Variants in CBLN1 observed in about 807,000 individuals in gnomAD.
CBLN1 encodes the protein cerebellin-1.
A neutral mutation model predicts 15.9 loss-of-function variants in CBLN1; 5 were observed. The ratio of observed to expected loss-of-function variants is 0.31; its 90% CI spans 0.16 to 0.66. The LOEUF is 0.66. Among genes scored for constraint, CBLN1 ranks in the 30% least tolerant of loss-of-function variants. The pLI is 0.75. For missense variants in CBLN1, 164 were observed against 253.7 expected (o/e 0.65, Z 2.40); for synonymous variants, 90 against 107.6 (o/e 0.84, Z 1.01).
Position 49,280,980 on chromosome 16 carries a change from T to G in CBLN1, c.327A>C (p.Lys109Asn). 1.2e-6 allele frequency: 2 copies of G among 1,614,192 alleles called. No individual in the cohort carries two copies. Among genetic ancestry groups the G allele is most frequent in the Non-Finnish European group, 1.7e-6 (2 of 1,180,024 alleles). Residue 109 changes from lysine (K) to asparagine (N), a missense_variant, in exon 2 of 3, where the codon AAA becomes AAC. By Grantham distance (94) the Lys-to-Asn change is moderately conservative (BLOSUM62 0). This residue lies in a region of CBLN1 where 127 missense variants were observed against 179.7 expected (regional missense o/e 0.71). Coordinates refer to ENST00000219197, the MANE Select transcript of CBLN1 (RefSeq NM_004352.4). The part of the protein sequence containing the change: ...SERSTFIAPR[K>N]GIYSFNFHVV... ...CGTGGAAGTTAAAACTGTAGATCCC[T>G]TTGCGCGGGGCGATGAAAGTGCTGC...
rs907593523 is a variant in CBLN1 at position 49,281,152 on chromosome 16, C to T, written c.264+50G>A. The T allele has an allele frequency of 8.1e-6, 13 of 1,613,982 alleles. No homozygotes were observed. The African/African-American group carries it at 1.6e-4, about 20-fold the overall frequency. On this transcript the variant is annotated intron_variant, in intron 1 of 2. Transcript: ENST00000219197. Reference sequence around the variant, plus strand: ...GACCGGGCATCGGTCTTCCATCCATCCCTCCTTCACCAGCCCAATCTGCAC... The same window carrying T: ...GACCGGGCATCGGTCTTCCATCCATTCCTCCTTCACCAGCCCAATCTGCAC...
In CBLN1 at chr16:49,281,535, T is replaced by G; in HGVS notation, c.-70A>C. ...GCGCCAGCCGCCCCCCCCGTCCCAG[T>G]CCCGCTCCGAAGCCCCCTCCTCAGC... On this transcript the variant is annotated 5_prime_UTR_variant, in exon 1 of 3. Coordinates refer to ENST00000219197, the MANE Select transcript of CBLN1 (RefSeq NM_004352.4). The G allele has an allele frequency of 3.0e-6, 3 of 1,009,898 alleles. No individual in the cohort carries two copies. The highest frequency in any genetic ancestry group is 3.7e-6 in the Non-Finnish European group (3 of 806,756). The allele number at this position is 1,009,898 out of a possible 1,614,324, so 62.6% of individuals were successfully genotyped here. A position where few individuals can be genotyped will look rare whatever the true frequency, so the allele number is the denominator to read the frequency against.
rs755075309 is a variant in CBLN1, at chr16:49,279,488, T to G, written c.498A>C (p.Arg166=). The G allele has an allele frequency of 6.2e-7, 1 of 1,614,186 alleles. No individual in the cohort carries two copies. Among genetic ancestry groups the G allele is most frequent in the South Asian group, 1.1e-5 (1 of 91,078 alleles). ...GVLIQMEKGD[R]AYLKLERGNL... is the part of the protein sequence containing the mutation. ...TTCCCCGCTCCAGCTTGAGGTATGC[T>G]CGGTCGCCTTTCTCCATTTGGATTA... is the stretch of plus-strand genomic sequence containing the variant. Residue 166 remains arginine, a synonymous_variant, in exon 3 of 3, where the codon CGA becomes CGC. Transcript: ENST00000219197.
chr16:49,279,930 C>T (rs983539413), intron 2 of CBLN1, among the ~76,000 whole-genome samples: 2 of 152,132 alleles, frequency 1.3e-5, no homozygotes, highest in Non-Finnish European at 1.5e-5. Context: ...GGCTCTAGCG[C>T]CCTGAGACCT....
At chr16:49,280,885 C>G (rs371075663) in intron 2 of CBLN1, 38 bp downstream of exon 2, 12 of 1,613,840 alleles carry the variant, frequency 7.4e-6, no homozygotes, top group Middle Eastern at 1.7e-4. Flanking sequence ...CAGTAACCCC[C>G]CTACGGGGCC....
At chr16:49,279,638 T>C (rs1963236189) in intron 2 of CBLN1, 37 bp from the exon 3 acceptor site, 1 of 1,601,638 alleles carries the variant, frequency 6.2e-7, no homozygotes, top group Non-Finnish European at 8.5e-7. Flanking sequence ...AGGCGCAACC[T>C]AGGCAGGCAC....
chr16:49,280,298 C>G (rs1383983294), intron 2 of CBLN1, among the ~76,000 whole-genome samples: 1 of 152,234 alleles, frequency 6.6e-6, no homozygotes, highest in Non-Finnish European at 1.5e-5. Flanking sequence ...CAAGGGAAAC[C>G]TGGACATCTT....
chr16:49,280,986 C>T lies in CBLN1; in HGVS notation c.321G>A (p.Pro107=). 6.2e-7 allele frequency: 1 copy of T among 1,614,180 alleles called. No individual in the cohort carries two copies. Residue 107 remains proline (P), a synonymous_variant, in exon 2 of 3, where the codon CCG becomes CCA. Transcript: ENST00000219197. Reference sequence around the variant, plus strand: ...AGTTAAAACTGTAGATCCCTTTGCGCGGGGCGATGAAAGTGCTGCGTTCTG... The same window carrying T: ...AGTTAAAACTGTAGATCCCTTTGCGTGGGGCGATGAAAGTGCTGCGTTCTG... The part of the protein sequence containing the change: ...FDSERSTFIA[P]RKGIYSFNFH...
rs1423387186 is a variant in CBLN1, at chr16:49,278,715, T to TA, written c.*688dup. 1 of 152,146 alleles carries TA rather than the reference T, an allele frequency of 6.6e-6. No homozygotes were observed. The highest frequency in any genetic ancestry group is 1.5e-5 in the Non-Finnish European group (1 of 68,052). The allele number at this position is 152,146 out of a possible 1,614,324, so 9.4% of individuals were successfully genotyped here. A position where few individuals can be genotyped will look rare whatever the true frequency, so the allele number is the denominator to read the frequency against. On this transcript the variant is annotated 3_prime_UTR_variant, in exon 3 of 3. Transcript: ENST00000219197. ...TTTCACGATCACTCCGAATAGAACA[T>TA]AGAAATACGGAAACACAGCCAGTTT...
chr16:49,279,725 GT>G, intron 2 of CBLN1, 124 bp from the exon 3 acceptor site: 1 of 698,384 alleles, frequency 1.4e-6, no homozygotes, highest in South Asian at 1.8e-5. Context: ...GAGGTGGGGG[GT>G]GGGGGGGGCG....
rs748395079 is a variant in CBLN1 at position 49,279,198 on chromosome 16, C to T, written c.*206G>A. 15 of 588,568 alleles carry T rather than the reference C, an allele frequency of 2.5e-5. No individual in the cohort carries two copies. The highest frequency in any genetic ancestry group is 4.5e-5 in the Non-Finnish European group (15 of 332,482). The allele number at this position is 588,568 out of a possible 1,614,324, so 36.5% of individuals were successfully genotyped here. On this transcript the variant is annotated 3_prime_UTR_variant, in exon 3 of 3. Transcript: ENST00000219197. ...GTTTATTTTTGGAAATGGGAGTGCG[C>T]AGAGCTAAGCGAAATTTATTTCTCC...
In CBLN1 at chr16:49,279,642, C is replaced by A. The variant is rs1444978955; in HGVS notation, c.385-41G>T. On this transcript the variant is annotated intron_variant, in intron 2 of 2. Transcript: ENST00000219197. ...GCCCGCTTCAGAGGCGCAACCTAGG[C>A]AGGCACCGAAGCCGCGGTGGAGCGA... is the stretch of plus-strand genomic sequence containing the variant. 7 of 1,599,646 alleles carry A rather than the reference C, an allele frequency of 4.4e-6. No individual in the cohort carries two copies. In the Admixed American group the frequency reaches 1.2e-4, roughly 27 times the overall value.
At chr16:49,281,156 C>G in intron 1 of CBLN1, 46 bp downstream of exon 1, 1 of 1,614,160 alleles carries the variant, frequency 6.2e-7, no homozygotes, top group Non-Finnish European at 8.5e-7. Context: ...ATCCATCCCT[C>G]CTTCACCAGC....
Position 49,279,517 on chromosome 16 carries a change from C to T in CBLN1, c.469G>A (p.Val157Ile). ...DVTREAASNG[V>I]LIQMEKGDRA... ...TCGCCTTTCTCCATTTGGATTAGGACTCCGTTGCTGGCGGCCTCCCGGGTC... is the reference window on the plus strand; with the variant it reads ...TCGCCTTTCTCCATTTGGATTAGGATTCCGTTGCTGGCGGCCTCCCGGGTC... The change falls in exon 3 of 3, where the codon GTC (valine) becomes ATC (isoleucine). Residue 157 changes from valine to isoleucine, a missense_variant. Physicochemically the swap from Val to Ile is conservative, Grantham distance 29. Coordinates refer to ENST00000219197, the MANE Select transcript of CBLN1 (RefSeq NM_004352.4). 6.2e-7 allele frequency: 1 copy of T among 1,614,240 alleles called. No homozygotes were observed. The highest frequency in any genetic ancestry group is 1.3e-5 in the African/African-American group (1 of 75,064).
In CBLN1 at chr16:49,280,817, G is replaced by A. The variant is rs553230545; in HGVS notation, c.384+106C>T. The A allele has an allele frequency of 1.2e-5, 16 of 1,289,904 alleles. No homozygotes were observed. In the East Asian group the frequency reaches 1.4e-4, roughly 11 times the overall value. The allele number at this position is 1,289,904 out of a possible 1,614,324, so 79.9% of individuals were successfully genotyped here. On this transcript the variant is annotated intron_variant, in intron 2 of 2. Transcript: ENST00000219197. Reference sequence around the variant, plus strand: ...TATCTGTCCCTCCAAGCAGCCCGAAGTACATGCAGCCGCCACTTCTGCCTA... The same window carrying A: ...TATCTGTCCCTCCAAGCAGCCCGAAATACATGCAGCCGCCACTTCTGCCTA...
rs773086998 is a variant in CBLN1, at chr16:49,279,636, C to G, written c.385-35G>C. The G allele has an allele frequency of 1.2e-5, 19 of 1,607,110 alleles. 1 individual carries two copies. The South Asian group carries it at 2.0e-4, about 17-fold the overall frequency. Reference sequence around the variant, plus strand: ...AGAAAGGCCCGCTTCAGAGGCGCAACCTAGGCAGGCACCGAAGCCGCGGTG... The same window carrying G: ...AGAAAGGCCCGCTTCAGAGGCGCAAGCTAGGCAGGCACCGAAGCCGCGGTG... On this transcript the variant is annotated intron_variant, in intron 2 of 2. Transcript: ENST00000219197.
In CBLN1 at chr16:49,279,372, C is replaced by G. The variant is rs780246311; in HGVS notation, c.*32G>C. ...TCTCACTCCCCTTCCTGCCTTCGCC[C>G]TCTCCCTGCCTCCCTTCCGGCTACG... On this transcript the variant is annotated 3_prime_UTR_variant, in exon 3 of 3. Coordinates refer to ENST00000219197, the MANE Select transcript of CBLN1 (RefSeq NM_004352.4). The G allele has an allele frequency of 6.2e-7, 1 of 1,606,692 alleles. No homozygotes were observed. The highest frequency in any genetic ancestry group is 2.2e-5 in the East Asian group (1 of 44,826).
intron 2 of CBLN1, 124 bp from the exon 3 acceptor site, chr16:49,279,725 G>A (rs1229425324): frequency 2.9e-6 from 2 of 698,268 alleles, no homozygotes; most frequent in Non-Finnish European, 2.3e-6. Flanking sequence ...GAGGTGGGGG[G>A]TGGGGGGGGC....
chr16:49,281,448 C>A lies in CBLN1; in HGVS notation c.18G>T (p.Glu6Asp). MLGVL[E>D]LLLLGAAWLA... ...GCCACGCAGCCCCCAGCAGCAGCAG[C>A]TCCAGGACGCCCAGCATCGCGCCGC... is the stretch of plus-strand genomic sequence containing the variant. The change falls in exon 1 of 3, where the codon GAG (glutamate) becomes GAT (aspartate). Residue 6 changes from glutamate to aspartate, a missense_variant. By Grantham distance (45) the Glu-to-Asp change is conservative. Around this residue, in one of 3 missense-constraint regions of CBLN1, gnomAD observed 127 missense variants for 179.7 expected, o/e 0.71. Coordinates refer to ENST00000219197, the MANE Select transcript of CBLN1 (RefSeq NM_004352.4). The A allele has an allele frequency of 6.4e-7, 1 of 1,570,294 alleles. No homozygotes were observed. Among genetic ancestry groups the A allele is most frequent in the Non-Finnish European group, 8.6e-7 (1 of 1,166,722 alleles).
Sources: gnomAD v4.1 joint callset for allele counts (sites outside exome capture counted in the v4.1 genomes callset) on GRCh38, gnomAD v4.1.1 for gene constraint, gnomAD v4.1.1 regional missense constraint, MANE v1.5 for transcripts, NCBI Gene and HGNC (gene_info 2026-07-23, HGNC 2026-07-21) for gene names.